The following CMTM8 variants were observed in gnomAD, a reference collection of about 807,000 sequenced individuals.
CMTM8 encodes CKLF like MARVEL transmembrane domain containing 8, also known as CKLF-like MARVEL transmembrane domain-containing protein 8.
CMTM8 carries 12 observed loss-of-function variants against 18.6 expected under a neutral mutation model. That is an observed-to-expected ratio of 0.65 (90% confidence interval 0.41 to 1.05). CMTM8 has a LOEUF of 1.05. Among genes scored for constraint, CMTM8 ranks in the 50% least tolerant of loss-of-function variants. The pLI, the probability that CMTM8 is intolerant of heterozygous loss-of-function variation, is 0.00. For missense variants in CMTM8, 217 were observed against 227.2 expected (o/e 0.95, Z 0.29); for synonymous variants, 87 against 90.6 (o/e 0.96, Z 0.23).
At chr3:32,257,948 G>A (rs1702197450) in intron 1 of CMTM8, among the ~76,000 whole-genome samples, 1 of 152,090 alleles carries the variant, frequency 6.6e-6, no homozygotes, top group African/African-American at 2.4e-5. Context: ...GGGTAGTGGG[G>A]CTGCATGGGC....
At chr3:32,300,151 G>C (rs140769018) in intron 1 of CMTM8, among the ~76,000 whole-genome samples, 62 of 152,366 alleles carry the variant, frequency 4.1e-4, no homozygotes, top group African/African-American at 1.4e-3. Context: ...GTTTGATGAT[G>C]AATGGATAGC....
At chr3:32,308,025 C>T (rs1039649758) in intron 1 of CMTM8, among the ~76,000 whole-genome samples, 1 of 152,172 alleles carries the variant, frequency 6.6e-6, no homozygotes, top group Non-Finnish European at 1.5e-5. Flanking sequence ...TTCCTTTAAG[C>T]GGCTCAATTC....
chr3:32,341,891 C>T (rs1696504424), intron 1 of CMTM8, among the ~76,000 whole-genome samples: 1 of 151,452 alleles, frequency 6.6e-6, no homozygotes, highest in Non-Finnish European at 1.5e-5. Flanking sequence ...AATAAATAAA[C>T]TTGGACTAAG....
At chr3:32,367,459 G>A (rs1430157462) in intron 2 of CMTM8, among the ~76,000 whole-genome samples, 2 of 152,140 alleles carry the variant, frequency 1.3e-5, no homozygotes, top group Non-Finnish European at 2.9e-5. Flanking sequence ...ACTGTATTGC[G>A]CCTCTACGTC....
intron 1 of CMTM8, among the ~76,000 whole-genome samples, chr3:32,268,746 T>C (rs1702389156): frequency 6.6e-6 from 1 of 152,224 alleles, no homozygotes. Context: ...TATGTTCCTA[T>C]AGACTTTATT....
intron 1 of CMTM8, among the ~76,000 whole-genome samples, chr3:32,265,038 G>C (rs1216383089): frequency 6.6e-6 from 1 of 152,138 alleles, no homozygotes; most frequent in African/African-American, 2.4e-5. Context: ...ACATTAGACA[G>C]ATCAACAAGA....
chr3:32,268,263 T>C (rs978159950), intron 1 of CMTM8, among the ~76,000 whole-genome samples: 9 of 152,124 alleles, frequency 5.9e-5, no homozygotes, highest in Non-Finnish European at 7.3e-5. Flanking sequence ...ACTATGCAGC[T>C]ATAAAAAATG....
intron 1 of CMTM8, chr3:32,259,916 G>A: frequency 9.2e-7 from 1 of 1,082,526 alleles, no homozygotes. Flanking sequence ...CCTGAGGGAG[G>A]TGGAGGCCCG....
At chr3:32,292,535 C>G (rs1035528840) in intron 1 of CMTM8, among the ~76,000 whole-genome samples, 4 of 152,164 alleles carry the variant, frequency 2.6e-5, no homozygotes, top group African/African-American at 9.7e-5. Context: ...ATCTTGCTCT[C>G]CCCCGCCTTC....
At chr3:32,276,597 A>C (rs923323503) in intron 1 of CMTM8, among the ~76,000 whole-genome samples, 1 of 152,200 alleles carries the variant, frequency 6.6e-6, no homozygotes, top group South Asian at 2.1e-4. Context: ...ATTGCGCCAC[A>C]CAAGATCTTT....
intron 1 of CMTM8, among the ~76,000 whole-genome samples, chr3:32,356,149 C>A (rs1381430034): frequency 6.6e-6 from 1 of 152,162 alleles, no homozygotes; most frequent in Non-Finnish European, 1.5e-5. Flanking sequence ...CCGTGTTAAA[C>A]AAATAAAGGA....
At chr3:32,365,336 T>A (rs969280407) in intron 2 of CMTM8, among the ~76,000 whole-genome samples, 1 of 152,114 alleles carries the variant, frequency 6.6e-6, no homozygotes, top group African/African-American at 2.4e-5. Context: ...AACATTTTTA[T>A]ACCAAGGAGG....
chr3:32,257,710 C>T (rs1702192370), intron 1 of CMTM8, among the ~76,000 whole-genome samples: 1 of 152,020 alleles, frequency 6.6e-6, no homozygotes, highest in Admixed American at 6.6e-5. Context: ...CGAGAGACCA[C>T]TTCTGCTTGT....
intron 1 of CMTM8, chr3:32,259,517 G>A: frequency 1.3e-6 from 1 of 783,396 alleles, no homozygotes; most frequent in Non-Finnish European, 2.3e-6. Flanking sequence ...TGACACCAAT[G>A]TCACTCGGCT....
At chr3:32,345,061 T>C (rs1696567917) in intron 1 of CMTM8, among the ~76,000 whole-genome samples, 1 of 152,192 alleles carries the variant, frequency 6.6e-6, no homozygotes, top group African/African-American at 2.4e-5. Flanking sequence ...TTCTTCAGGC[T>C]GGGCATGGTG....
chr3:32,359,985 G>T lies in CMTM8; in HGVS notation c.321+2439G>T, dbSNP rs1251005817. On this transcript the variant is annotated intron_variant, in intron 2 of 3. Transcript: ENST00000307526. ...ATCCTGCTCCAGGCCCCCTCTGCCT[G>T]AGCGGTAGGTAGGAACTACAACCAG... Among the ~76,000 whole-genome samples the T allele has an allele frequency of 2.0e-5, 3 of 152,148 alleles. No homozygotes were observed. The East Asian group carries it at 5.8e-4, about 29-fold the overall frequency.
Position 32,367,222 on chromosome 3 carries a change from A to G in CMTM8, c.322-650A>G, listed in dbSNP as rs543623118. Among the ~76,000 whole-genome samples, 84 of 152,326 alleles carry G rather than the reference A, an allele frequency of 5.5e-4. No individual in the cohort carries two copies. In the South Asian group the frequency reaches 0.017, roughly 30 times the overall value. On this transcript the variant is annotated intron_variant, in intron 2 of 3. Transcript: ENST00000307526. The stretch of plus-strand genomic sequence containing the variant: ...TGGTTTCCTATGCATGGTTCAGAGC[A>G]TGGTTTCTTAGAGTTTAGACATAAC...
At chr3:32,295,029 T>C (rs1021960919) in intron 1 of CMTM8, among the ~76,000 whole-genome samples, 3 of 152,164 alleles carry the variant, frequency 2.0e-5, no homozygotes, top group East Asian at 3.8e-4. Flanking sequence ...CAATCCAGCC[T>C]GGGTGACAGA....
intron 2 of CMTM8, among the ~76,000 whole-genome samples, chr3:32,366,361 G>T (rs1232508291): frequency 2.6e-5 from 4 of 152,224 alleles, no homozygotes; most frequent in African/African-American, 9.7e-5. Context: ...TAGACTCAGA[G>T]AGTCTTTCTT....
Sources: gnomAD v4.1 joint callset for allele counts (sites outside exome capture counted in the v4.1 genomes callset) on GRCh38, gnomAD v4.1.1 for gene constraint, MANE v1.5 for transcripts, NCBI Gene and HGNC (gene_info 2026-07-23, HGNC 2026-07-21) for gene names.